CEP164: variants seen among roughly 807,000 people sequenced by gnomAD.
CEP164 encodes the protein centrosomal protein 164.
Under a neutral mutation model 182.7 loss-of-function variants are expected in CEP164, and 162 were observed. The observed-to-expected ratio is 0.89, with a 90% CI of 0.78 to 1.01. The LOEUF is 1.01. Among genes scored for constraint, CEP164 ranks in the 50% least tolerant of loss-of-function variants. The pLI is 0.00. For synonymous variants in CEP164, 661 were observed against 690.0 expected, an observed-to-expected ratio of 0.96 and a Z score of 0.66; for missense variants, 1,735 against 1,790.4, an observed-to-expected ratio of 0.97 and a Z score of 0.56.
intron 5 of CEP164, chr11:117,356,357 A>T (rs2040292562): frequency 8.6e-7 from 1 of 1,168,858 alleles, no homozygotes; most frequent in South Asian, 1.6e-5. Context: ...AGTCTGTTGC[A>T]TGGCAGCTGA....
chr11:117,392,996 C>T lies in CEP164; in HGVS notation c.2494-8C>T. The T allele has an allele frequency of 6.2e-7, 1 of 1,612,726 alleles. No homozygotes were observed. ...CTTCATGCCACATCCCTGCCATCTC[C>T]CCTGCAGCTCAGCAGTCTCCTGCGA... On this transcript the variant is annotated splice_region_variant and splice_polypyrimidine_tract_variant and intron_variant, in intron 19 of 32. Coordinates refer to ENST00000278935, the MANE Select transcript of CEP164 (RefSeq NM_014956.5).
rs1459408079 is a variant in CEP164, at chr11:117,344,189, A to T, written c.106A>T (p.Ile36Phe). The change falls in exon 4 of 33, where the codon ATT becomes TTT. Residue 36 changes from isoleucine (I) to phenylalanine (F), a missense_variant. Physicochemically the swap from Ile to Phe is conservative, Grantham distance 21. Coordinates refer to ENST00000278935, the MANE Select transcript of CEP164 (RefSeq NM_014956.5). Reference sequence around the variant, plus strand: ...AGAAATTCTTGAATTTGCCCGGGAGATTGGTATTGATCCCATCAAGGAACC... The same window carrying T: ...AGAAATTCTTGAATTTGCCCGGGAGTTTGGTATTGATCCCATCAAGGAACC... The part of the protein sequence containing the change: ...EQEILEFARE[I>F]GIDPIKEPEL... 1 of 1,612,540 alleles carries T rather than the reference A, an allele frequency of 6.2e-7. No individual in the cohort carries two copies. The highest frequency in any genetic ancestry group is 8.5e-7 in the Non-Finnish European group (1 of 1,179,396).
intron 5 of CEP164, chr11:117,355,078 A>G (rs1361595325): frequency 7.8e-7 from 1 of 1,289,852 alleles, no homozygotes; most frequent in Non-Finnish European, 1.0e-6. Flanking sequence ...GAAAGAGCCC[A>G]GGCATGCTGG....
Position 117,343,631 on chromosome 11 carries a change from T to A in CEP164, c.83-535T>A, listed in dbSNP as rs1295102906. Among the ~76,000 whole-genome samples, 7 of 146,030 alleles carry A rather than the reference T, an allele frequency of 4.8e-5. No individual in the cohort carries two copies. In the East Asian group the frequency reaches 1.4e-3, roughly 29 times the overall value. On this transcript the variant is annotated intron_variant, in intron 3 of 32. Transcript: ENST00000278935. Reference sequence around the variant, plus strand: ...CTTGGTTTTATTTTATTTTTTGCCTTTTTTTTTTTTTTTTTTGAGACGAAG... The same window carrying A: ...CTTGGTTTTATTTTATTTTTTGCCTATTTTTTTTTTTTTTTTGAGACGAAG...
intron 5 of CEP164, among the ~76,000 whole-genome samples, chr11:117,357,328 C>G (rs907174127): frequency 6.6e-6 from 1 of 151,792 alleles, no homozygotes; most frequent in Non-Finnish European, 1.5e-5. Flanking sequence ...AGGCTGGTCT[C>G]GAACTCCTGG....
In CEP164 at chr11:117,394,566, C is replaced by T; in HGVS notation, c.2760+73C>T. The T allele has an allele frequency of 6.4e-7, 1 of 1,556,658 alleles. No individual in the cohort carries two copies. The highest frequency in any genetic ancestry group is 8.7e-7 in the Non-Finnish European group (1 of 1,146,252). Reference sequence around the variant, plus strand: ...AGTAGGAAGGTGCTGGGAGCAGACGCATGGCCCCAGCAGGATGCAGCCTGA... The same window carrying T: ...AGTAGGAAGGTGCTGGGAGCAGACGTATGGCCCCAGCAGGATGCAGCCTGA... On this transcript the variant is annotated intron_variant, in intron 21 of 32. Transcript: ENST00000278935. This position sits in a 1 kb window ranked among gnomAD's most constrained non-coding sequence, Gnocchi z 4.0.
chr11:117,363,842 G>A (rs2041308376), intron 8 of CEP164: 1 of 155,248 alleles, frequency 6.4e-6, no homozygotes, highest in Non-Finnish European at 1.3e-5. Flanking sequence ...TGTGAACAGA[G>A]CTCACTGCTT....
chr11:117,412,087 A>C lies in CEP164; in HGVS notation c.4302A>C (p.Ser1434=). The change falls in exon 33 of 33, where the codon TCA becomes TCC. Residue 1434 remains serine (S), a synonymous_variant. Coordinates refer to ENST00000278935, the MANE Select transcript of CEP164 (RefSeq NM_014956.5). The stretch of plus-strand genomic sequence containing the variant: ...TTGTGGCCAGACCTCTCTTCTCGTC[A>C]ACACCCAAGCCAAAAGCTACTTTGA... ...KNDPRLPLFS[S]TPKPKATLSL... 6.2e-7 allele frequency: 1 copy of C among 1,614,136 alleles called. No individual in the cohort carries two copies. Among genetic ancestry groups the C allele is most frequent in the South Asian group, 1.1e-5 (1 of 91,072 alleles).
At chr11:117,351,239 C>G (rs746468983) in intron 4 of CEP164, among the ~76,000 whole-genome samples, 3 of 152,148 alleles carry the variant, frequency 2.0e-5, no homozygotes, top group Non-Finnish European at 1.5e-5. Flanking sequence ...CCATGTTGGT[C>G]AGGCTGGCCT....
At chr11:117,362,296 G>A in intron 6 of CEP164, 108 bp from the exon 7 acceptor site, 1 of 1,233,474 alleles carries the variant, frequency 8.1e-7, no homozygotes. Flanking sequence ...TGGACATGGT[G>A]GCACTTGATC....
At chr11:117,336,250 T>G in intron 2 of CEP164, 2 of 1,588,050 alleles carry the variant, frequency 1.3e-6, no homozygotes, top group Non-Finnish European at 1.7e-6. Context: ...GGAGGAATGC[T>G]TGCCATGCTT....
chr11:117,408,784 TAAA>T, intron 28 of CEP164, 103 bp from the exon 29 acceptor site: 1 of 1,428,664 alleles, frequency 7.0e-7, no homozygotes, highest in Non-Finnish European at 9.5e-7. Flanking sequence ...AGACAAAACA[TAAA>T]GAAGAACCTA....
Position 117,411,985 on chromosome 11 carries a change from A to C in CEP164, c.4286+68A>C. On this transcript the variant is annotated intron_variant, in intron 32 of 32. Coordinates refer to ENST00000278935, the MANE Select transcript of CEP164 (RefSeq NM_014956.5). The surrounding 1 kb of genome is among the most constrained non-coding windows in gnomAD (Gnocchi z 4.4). ...ACTGTGCTTGTGCCCTGAGGGGCTG[A>C]GGAGGATCCTGTTCAGCCTTTGACC... 1 of 1,610,966 alleles carries C rather than the reference A, an allele frequency of 6.2e-7. No individual in the cohort carries two copies.
intron 27 of CEP164, among the ~76,000 whole-genome samples, chr11:117,406,961 G>A (rs1283610763): frequency 1.3e-5 from 2 of 152,152 alleles, no homozygotes; most frequent in African/African-American, 4.8e-5. Flanking sequence ...GGGTGTGGTG[G>A]TGCACGCCTG....
upstream of CEP164, among the ~76,000 whole-genome samples, chr11:117,325,794 G>C (rs1237946499): frequency 6.6e-6 from 1 of 151,840 alleles, no homozygotes; most frequent in East Asian, 1.9e-4. Flanking sequence ...ATTTAAACAT[G>C]ATGACGTCAA....
Position 117,371,294 on chromosome 11 carries a change from T to C in CEP164, c.980T>C (p.Leu327Pro). 6.2e-7 allele frequency: 1 copy of C among 1,614,186 alleles called. No individual in the cohort carries two copies. The part of the protein sequence containing the change: ...EKSEPKICRN[L>P]VTPKADPTGS... Reference sequence around the variant, plus strand: ...AGTGAACCTAAGATTTGCAGGAATCTGGTGACCCCCAAGGCAGACCCTACA... The same window carrying C: ...AGTGAACCTAAGATTTGCAGGAATCCGGTGACCCCCAAGGCAGACCCTACA... The change falls in exon 9 of 33, where the codon CTG becomes CCG. Residue 327 changes from leucine (L) to proline (P), a missense_variant. Leu to Pro is a moderately conservative substitution (Grantham distance 98). Transcript: ENST00000278935.
chr11:117,354,677 T>G (rs576048169), intron 5 of CEP164, among the ~76,000 whole-genome samples: 1 of 151,904 alleles, frequency 6.6e-6, no homozygotes, highest in Admixed American at 6.6e-5. Flanking sequence ...CCCAAGGGAG[T>G]TTTTATCTTT....
chr11:117,390,059 C>G (rs2044427193), intron 15 of CEP164, among the ~76,000 whole-genome samples: 1 of 150,458 alleles, frequency 6.6e-6, no homozygotes, highest in African/African-American at 2.4e-5. Flanking sequence ...TCTCCTGTCT[C>G]AGCCTCCCAA....
At chr11:117,353,695 C>T (rs1321115540) in intron 5 of CEP164, among the ~76,000 whole-genome samples, 1 of 152,156 alleles carries the variant, frequency 6.6e-6, no homozygotes, top group Non-Finnish European at 1.5e-5. Context: ...TGAGTTTGTC[C>T]AGGGGACAGC....
Sources: allele counts gnomAD v4.1 joint callset (sites outside exome capture counted in the v4.1 genomes callset), GRCh38; gene constraint gnomAD v4.1.1; non-coding constraint Gnocchi (gnomAD v3.1); transcripts MANE v1.5; gene names NCBI Gene and HGNC (gene_info 2026-07-23, HGNC 2026-07-21).